PPARGC1B: variants seen among roughly 807,000 people sequenced by gnomAD.
PPARGC1B encodes peroxisome proliferator-activated receptor gamma coactivator 1-beta.
In PPARGC1B, 34 loss-of-function variants were observed where a neutral mutation model predicts 101.6. The observed-to-expected ratio is 0.33, with a 90% confidence interval of 0.25 to 0.45. The LOEUF (loss-of-function observed/expected upper bound fraction) is 0.45. Among genes scored for constraint, PPARGC1B ranks in the 20% least tolerant of loss-of-function variants. The pLI, the probability that PPARGC1B is intolerant of heterozygous loss-of-function variation, is 1.00. For synonymous variants in PPARGC1B, 548 were observed against 539.3 expected, an observed-to-expected ratio of 1.02 and a Z score of -0.22; for missense variants, 1,234 against 1,317.6, an observed-to-expected ratio of 0.94 and a Z score of 0.98.
chr5:149,820,262 C>T (rs1392095156), intron 1 of PPARGC1B, among the ~76,000 whole-genome samples, 171 bp from the exon 2 acceptor site: 4 of 152,170 alleles, frequency 2.6e-5, no homozygotes, highest in Non-Finnish European at 4.4e-5. Flanking sequence ...CCTAGCTTAG[C>T]TACCAGAAGA....
chr5:149,839,684 G>T (rs1356457460), intron 8 of PPARGC1B, among the ~76,000 whole-genome samples: 2 of 152,058 alleles, frequency 1.3e-5, no homozygotes, highest in African/African-American at 4.8e-5. Context: ...AAAACCTCAT[G>T]GGGTTTAAAA....
intron 2 of PPARGC1B, among the ~76,000 whole-genome samples, chr5:149,821,935 C>T (rs938456460): frequency 1.4e-4 from 22 of 152,156 alleles, no homozygotes; most frequent in African/African-American, 5.3e-4. Context: ...CTGAGTAACT[C>T]GCCCAAGGTC....
At position 149,730,598 on chromosome 5, in the gene PPARGC1B, G is replaced by T. The variant is rs1754415979; in HGVS notation, c.78+178G>T. 6.6e-6 allele frequency among the ~76,000 whole-genome samples: 1 copy of T among 152,080 alleles called. No homozygotes were observed. The highest frequency in any genetic ancestry group is 2.4e-5 in the African/African-American group (1 of 41,426). The stretch of plus-strand genomic sequence containing the variant: ...CGCTCCGTTACCGGGGCAGGGAGCC[G>T]GAGGTCTCCCGGCGCGTGCCGGAGC... On this transcript the variant is annotated intron_variant, in intron 1 of 11. Transcript: ENST00000309241. This position sits in a 1 kb window ranked among gnomAD's most constrained non-coding sequence, Gnocchi z 4.0.
At chr5:149,818,469 C>T (rs932568429) in intron 1 of PPARGC1B, among the ~76,000 whole-genome samples, 1 of 152,156 alleles carries the variant, frequency 6.6e-6, no homozygotes, top group Non-Finnish European at 1.5e-5. Context: ...AGGGGACCGG[C>T]CGCTTGAGAG....
At chr5:149,776,838 C>A (rs551413221) in intron 1 of PPARGC1B, among the ~76,000 whole-genome samples, 1 of 152,184 alleles carries the variant, frequency 6.6e-6, no homozygotes, top group Admixed American at 6.5e-5. Flanking sequence ...TGGAAATGGC[C>A]CCGTAACCTT....
intron 1 of PPARGC1B, among the ~76,000 whole-genome samples, chr5:149,768,583 A>AT (rs1379954605): frequency 1.4e-5 from 2 of 147,816 alleles, no homozygotes; most frequent in Non-Finnish European, 1.5e-5. Flanking sequence ...AGCTGAGACT[A>AT]TAAGTGCCCA....
In PPARGC1B at chr5:149,826,901, C is replaced by G. The variant is rs369360016; in HGVS notation, c.465+16C>G. 11 of 1,575,680 alleles carry G rather than the reference C, an allele frequency of 7.0e-6. No homozygotes were observed. In the South Asian group the frequency reaches 9.1e-5, roughly 13 times the overall value. On this transcript the variant is annotated intron_variant, in intron 3 of 11. Transcript: ENST00000309241. ...GCTCTCACTGGTAAGAACCTACTTA[C>G]AGCAGAAGTGATGGTTGCAGCCTGG...
intron 1 of PPARGC1B, among the ~76,000 whole-genome samples, chr5:149,783,088 A>T (rs1260069525): frequency 9.5e-6 from 1 of 105,790 alleles, no homozygotes; most frequent in Non-Finnish European, 1.9e-5. Context: ...GGAATGAGAG[A>T]TAAAGAGAGA....
chr5:149,759,627 G>C (rs1182695508), intron 1 of PPARGC1B, among the ~76,000 whole-genome samples: 1 of 152,228 alleles, frequency 6.6e-6, no homozygotes, highest in Non-Finnish European at 1.5e-5. Flanking sequence ...GGGCTGGGGT[G>C]GGTTGGTTCA....
At chr5:149,762,544 C>T (rs1329711414) in intron 1 of PPARGC1B, among the ~76,000 whole-genome samples, 1 of 152,178 alleles carries the variant, frequency 6.6e-6, no homozygotes, top group Admixed American at 6.5e-5. Flanking sequence ...GTGAATCTAT[C>T]TTGTCCTGAG....
chr5:149,778,063 T>TCACACACACA (rs1219646323), intron 1 of PPARGC1B, among the ~76,000 whole-genome samples: 16 of 11,898 alleles, frequency 1.3e-3, no homozygotes, highest in Non-Finnish European at 1.8e-3. Flanking sequence ...TAGCAGCATC[T>TCACACACACA]CACACACACA....
At chr5:149,735,817 A>G (rs1005495188) in intron 1 of PPARGC1B, among the ~76,000 whole-genome samples, 1 of 152,208 alleles carries the variant, frequency 6.6e-6, no homozygotes. Context: ...AAATGAAGGC[A>G]CATAGATTGT....
At chr5:149,772,016 G>C (rs1756150368) in intron 1 of PPARGC1B, 1 of 1,477,706 alleles carries the variant, frequency 6.8e-7, no homozygotes. Context: ...AGCAGGCTCA[G>C]AGAAGTGAAG....
At chr5:149,774,605 C>T (rs964834923) in intron 1 of PPARGC1B, among the ~76,000 whole-genome samples, 2 of 151,776 alleles carry the variant, frequency 1.3e-5, no homozygotes, top group Non-Finnish European at 2.9e-5. Context: ...ATTCATTCAT[C>T]TAGCATGCAG....
At chr5:149,751,633 G>A (rs12188023) in intron 1 of PPARGC1B, among the ~76,000 whole-genome samples, 11,901 of 151,892 alleles carry the variant, frequency 0.078, 532 homozygotes, top group South Asian at 0.13. Context: ...CTGAACCTGG[G>A]AGGTGGAGGT....
intron 2 of PPARGC1B, among the ~76,000 whole-genome samples, chr5:149,825,236 A>G (rs1480074781): frequency 1.3e-5 from 2 of 152,076 alleles, no homozygotes; most frequent in African/African-American, 2.4e-5. Flanking sequence ...TGCATGGGGC[A>G]CTCTTGCTGT....
At position 149,833,663 on chromosome 5, in the gene PPARGC1B, T is replaced by A. The variant is rs779161810; in HGVS notation, c.1590T>A (p.Ser530Arg). Residue 530 changes from serine to arginine, a missense_variant, in exon 5 of 12, where the codon AGT (serine) becomes AGA (arginine). Transcript: ENST00000309241. The surrounding 1 kb of genome is among the most constrained non-coding windows in gnomAD (Gnocchi z 4.1). ...RELGSPTDED[S>R]GQDQQLLRGP... ...TGGGCAGCCCCACGGACGAGGACAG[T>A]GGCCAAGACCAGCAGCTCCTACGGG... 3 of 1,610,022 alleles carry A rather than the reference T, an allele frequency of 1.9e-6. No homozygotes were observed. The highest frequency in any genetic ancestry group is 2.5e-6 in the Non-Finnish European group (3 of 1,178,554).
intron 1 of PPARGC1B, among the ~76,000 whole-genome samples, chr5:149,742,702 G>A (rs1754954039): frequency 6.6e-6 from 1 of 152,134 alleles, no homozygotes; most frequent in South Asian, 2.1e-4. Flanking sequence ...TTGGCAGTAT[G>A]GCAAATGAGA....
intron 8 of PPARGC1B, among the ~76,000 whole-genome samples, chr5:149,838,875 G>C (rs1759218723): frequency 6.6e-6 from 1 of 152,210 alleles, no homozygotes; most frequent in South Asian, 2.1e-4. Context: ...CTCAGCAACA[G>C]AAAGCACGTT....
Sources: gnomAD v4.1 joint callset for allele counts (sites outside exome capture counted in the v4.1 genomes callset) on GRCh38, gnomAD v4.1.1 for gene constraint, Gnocchi (gnomAD v3.1) non-coding constraint, MANE v1.5 for transcripts, NCBI Gene and HGNC (gene_info 2026-07-23, HGNC 2026-07-21) for gene names.